LINGO2: variants seen among roughly 807,000 people sequenced by gnomAD.
LINGO2 encodes leucine-rich repeat and immunoglobulin-like domain-containing nogo receptor-interacting protein 2.
A neutral mutation model predicts 30.6 loss-of-function variants in LINGO2; 14 were observed. That is an observed-to-expected ratio of 0.46 (90% CI 0.30 to 0.72). The LOEUF (loss-of-function observed/expected upper bound fraction) is 0.72. Among genes scored for constraint, LINGO2 ranks in the 30% least tolerant of loss-of-function variants. LINGO2 has a pLI of 0.07. For missense variants in LINGO2, 729 were observed against 751.7 expected (o/e 0.97, Z 0.35); for synonymous variants, 317 against 288.5 (o/e 1.10, Z -1.00).
intron 3 of LINGO2, among the ~76,000 whole-genome samples, chr9:28,355,367 G>C (rs1271839596): frequency 6.2e-4 from 2 of 3,242 alleles, no homozygotes; most frequent in Non-Finnish European, 1.3e-3. Context: ...CTCCCTCTGT[G>C]TGTGTGTGTG....
At position 28,524,070 on chromosome 9, in the gene LINGO2, T is replaced by G. The variant is rs182168452; in HGVS notation, c.-364-48045A>C. On this transcript the variant is annotated intron_variant, in intron 1 of 5. Coordinates refer to ENST00000379992, the Ensembl canonical transcript of LINGO2. ...TATAACAGTGTGGTACTAGTATAAGTATAGACATAGAAATCAATGGAATAG... is the reference window on the plus strand; with the variant it reads ...TATAACAGTGTGGTACTAGTATAAGGATAGACATAGAAATCAATGGAATAG... 4.6e-5 allele frequency among the ~76,000 whole-genome samples: 7 copies of G among 152,264 alleles called. No individual in the cohort carries two copies. In the East Asian group the frequency reaches 1.4e-3, roughly 29 times the overall value.
intron 5 of LINGO2, among the ~76,000 whole-genome samples, chr9:28,001,235 A>T (rs1821935230): frequency 6.6e-6 from 1 of 152,222 alleles, no homozygotes; most frequent in South Asian, 2.1e-4. Flanking sequence ...TGATTGAAGC[A>T]GCCAGCTTGG....
At chr9:28,098,240 G>A (rs4602988) in intron 4 of LINGO2, among the ~76,000 whole-genome samples, 1 of 152,104 alleles carries the variant, frequency 6.6e-6, no homozygotes, top group African/African-American at 2.4e-5. Flanking sequence ...AGGAGGCTGA[G>A]GTTGCAGTGA....
At chr9:28,742,102 T>C in the LINGO2 span, among the ~76,000 whole-genome samples, 1 of 152,022 alleles carries the variant, frequency 6.6e-6, no homozygotes, top group East Asian at 1.9e-4. Flanking sequence ...TTGGCCTTCC[T>C]AGCACTATGT....
At chr9:28,001,894 T>A (rs1012596644) in intron 5 of LINGO2, among the ~76,000 whole-genome samples, 1 of 152,214 alleles carries the variant, frequency 6.6e-6, no homozygotes, top group African/African-American at 2.4e-5. Context: ...TTTATCAAAA[T>A]TTTGATAATT....
At position 27,987,016 on chromosome 9, in the gene LINGO2, A is replaced by T. The variant is rs1821155368; in HGVS notation, c.-36+25339T>A. Among the ~76,000 whole-genome samples the T allele has an allele frequency of 2.0e-5, 3 of 151,706 alleles. No homozygotes were observed. The South Asian group carries it at 6.2e-4, about 31-fold the overall frequency. On this transcript the variant is annotated intron_variant, in intron 5 of 5. Coordinates refer to ENST00000379992, the Ensembl canonical transcript of LINGO2. ...ATAGTAATTCCCACTTTTTCACTCC[A>T]TCTCACTTATGGTCGACTTTTTTTT...
At chr9:28,347,822 T>C (rs566396308) in intron 3 of LINGO2, among the ~76,000 whole-genome samples, 8 of 152,192 alleles carry the variant, frequency 5.3e-5, no homozygotes, top group Admixed American at 1.3e-4. Context: ...ACACTGACCA[T>C]ATAATTACAA....
At chr9:29,055,977 C>A in the LINGO2 span, among the ~76,000 whole-genome samples, 4 of 89,882 alleles carry the variant, frequency 4.5e-5, no homozygotes, top group Admixed American at 1.1e-4. Context: ...TATATGCATA[C>A]ACACACACAC....
At chr9:28,517,872 G>C (rs531128544) in intron 1 of LINGO2, among the ~76,000 whole-genome samples, 47 of 152,106 alleles carry the variant, frequency 3.1e-4, no homozygotes, top group Non-Finnish European at 5.7e-4. Flanking sequence ...AAGGTACAAA[G>C]ATTCAAATGC....
At chr9:29,045,039 G>C in the LINGO2 span, among the ~76,000 whole-genome samples, 1 of 152,050 alleles carries the variant, frequency 6.6e-6, no homozygotes, top group African/African-American at 2.4e-5. Context: ...ATGATAAAAT[G>C]CCTACCTGAT....
intron 2 of LINGO2, among the ~76,000 whole-genome samples, chr9:28,422,877 C>A (rs79342315): frequency 7.9e-5 from 12 of 151,890 alleles, no homozygotes; most frequent in African/African-American, 2.9e-4. Context: ...TGTGCTATAA[C>A]GTGGATAAAC....
At chr9:28,655,685 A>C (rs1828305351) in intron 1 of LINGO2, among the ~76,000 whole-genome samples, 1 of 151,866 alleles carries the variant, frequency 6.6e-6, no homozygotes, top group Non-Finnish European at 1.5e-5. Context: ...CGTGATAGTG[A>C]GTTAGTTCTC....
chr9:28,535,870 G>A (rs1821418954), intron 1 of LINGO2, among the ~76,000 whole-genome samples: 1 of 152,150 alleles, frequency 6.6e-6, no homozygotes, highest in African/African-American at 2.4e-5. Context: ...ACGTTTCAGA[G>A]GAGGATTTAA....
chr9:28,715,305 G>T, the LINGO2 span, among the ~76,000 whole-genome samples: 13 of 152,006 alleles, frequency 8.6e-5, no homozygotes, highest in African/African-American at 3.1e-4. Flanking sequence ...TTTCATGCTG[G>T]AATTAAAAAT....
the LINGO2 span, among the ~76,000 whole-genome samples, chr9:28,857,938 G>C: frequency 6.6e-6 from 1 of 151,686 alleles, no homozygotes; most frequent in Non-Finnish European, 1.5e-5. Flanking sequence ...ATTTAAAATA[G>C]AAAATTTAGA....
chr9:28,040,809 G>A (rs918445250), intron 4 of LINGO2, among the ~76,000 whole-genome samples: 1 of 152,026 alleles, frequency 6.6e-6, no homozygotes, highest in Non-Finnish European at 1.5e-5. Context: ...TTGAACCCAG[G>A]GGTGTCTGGC....
the LINGO2 span, among the ~76,000 whole-genome samples, chr9:29,195,564 A>T: frequency 2.8e-4 from 42 of 152,268 alleles, no homozygotes; most frequent in African/African-American, 9.6e-4. Flanking sequence ...ATTCTCACCA[A>T]CAGTGTATTA....
the LINGO2 span, among the ~76,000 whole-genome samples, chr9:29,206,041 G>T: frequency 3.9e-5 from 6 of 152,126 alleles, no homozygotes; most frequent in African/African-American, 1.4e-4. Flanking sequence ...TATCCATGTT[G>T]TAGCATGTAT....
chr9:29,078,514 C>G, the LINGO2 span, among the ~76,000 whole-genome samples: 29,958 of 151,738 alleles, frequency 0.2, 3,103 homozygotes, highest in African/African-American at 0.24. Context: ...TTGAATAAAC[C>G]TTGAGTCACA....
Sources: allele counts gnomAD v4.1 joint callset (sites outside exome capture counted in the v4.1 genomes callset), GRCh38; gene constraint gnomAD v4.1.1; transcripts MANE v1.5; gene names NCBI Gene and HGNC (gene_info 2026-07-23, HGNC 2026-07-21).